CSMD3: variants seen among roughly 807,000 people sequenced by gnomAD.
CSMD3 encodes CUB and Sushi multiple domains 3.
Under a neutral mutation model 435.2 loss-of-function variants are expected in CSMD3, and 177 were observed. The ratio of observed to expected loss-of-function variants is 0.41; its 90% CI spans 0.36 to 0.46. CSMD3 has a LOEUF of 0.46. CSMD3 is among the 20% of genes least tolerant of loss of function. The probability of loss-of-function intolerance (pLI) is 0.34; values close to 1 mark genes in which losing one functional copy is unlikely to be tolerated. For missense variants in CSMD3, 4,265 were observed against 4,504.6 expected (o/e 0.95, Z 1.52); for synonymous variants, 1,656 against 1,520.5 (o/e 1.09, Z -2.07).
At chr8:113,376,577 T>C (rs941778692) in intron 1 of CSMD3, 1 of 709,956 alleles carries the variant, frequency 1.4e-6, no homozygotes. Flanking sequence ...AACTAATATA[T>C]AAAAAAATTG....
intron 32 of CSMD3, among the ~76,000 whole-genome samples, chr8:112,423,479 C>T (rs1352048399): frequency 1.3e-5 from 2 of 152,110 alleles, no homozygotes; most frequent in South Asian, 2.1e-4. Flanking sequence ...ATATCATAAA[C>T]ATTGATATAT....
At chr8:112,916,515 C>G (rs1424122814) in intron 10 of CSMD3, among the ~76,000 whole-genome samples, 2 of 151,762 alleles carry the variant, frequency 1.3e-5, no homozygotes, top group African/African-American at 4.8e-5. Flanking sequence ...ATATCTACAC[C>G]ATCTGCCTAT....
At chr8:112,469,379 T>C (rs1457057408) in intron 32 of CSMD3, among the ~76,000 whole-genome samples, 1 of 152,186 alleles carries the variant, frequency 6.6e-6, no homozygotes, top group Non-Finnish European at 1.5e-5. Flanking sequence ...GTTGGTTATA[T>C]GTGATTTTCT....
intron 22 of CSMD3, among the ~76,000 whole-genome samples, chr8:112,622,670 C>A (rs751098512): frequency 3.9e-5 from 6 of 152,070 alleles, no homozygotes; most frequent in Non-Finnish European, 7.4e-5. Flanking sequence ...GACTCTATAA[C>A]GATGTAAAAG....
chr8:112,830,267 A>C (rs1453957204), intron 11 of CSMD3, among the ~76,000 whole-genome samples: 1 of 152,196 alleles, frequency 6.6e-6, no homozygotes. Flanking sequence ...GTTAGAGCTA[A>C]ACTTGAATCT....
At chr8:112,296,029 A>T (rs2130717333) in intron 53 of CSMD3, 23 bp from the exon 54 acceptor site, 1 of 1,565,972 alleles carries the variant, frequency 6.4e-7, no homozygotes. Flanking sequence ...ATAAAGTAAT[A>T]TTTTTAATAC....
At chr8:113,111,177 C>T (rs1487538561) in intron 4 of CSMD3, among the ~76,000 whole-genome samples, 3 of 151,960 alleles carry the variant, frequency 2.0e-5, no homozygotes, top group African/African-American at 7.3e-5. Context: ...TTTGTCATTC[C>T]CAGGTCAGAA....
intron 5 of CSMD3, among the ~76,000 whole-genome samples, chr8:113,088,896 C>G (rs114578263): frequency 1.3e-5 from 2 of 152,026 alleles, no homozygotes; most frequent in Admixed American, 6.6e-5. Flanking sequence ...TGTATACAAA[C>G]AATTCCTCCA....
At chr8:112,823,601 G>T (rs1358579631) in intron 12 of CSMD3, among the ~76,000 whole-genome samples, 2 of 152,106 alleles carry the variant, frequency 1.3e-5, no homozygotes, top group Non-Finnish European at 2.9e-5. Context: ...TCAGGAGCAG[G>T]TTGTTCAGTT....
intron 30 of CSMD3, among the ~76,000 whole-genome samples, chr8:112,503,155 C>T (rs1168796912): frequency 6.6e-6 from 1 of 152,206 alleles, no homozygotes; most frequent in Admixed American, 6.5e-5. Context: ...GATCATATCT[C>T]ACTGCAGCCT....
At chr8:112,277,326 G>A (rs1252306472) in intron 59 of CSMD3, among the ~76,000 whole-genome samples, 1 of 152,112 alleles carries the variant, frequency 6.6e-6, no homozygotes, top group Non-Finnish European at 1.5e-5. Context: ...TCTAGGGCAA[G>A]GGCAAAATGC....
At chr8:112,851,261 C>A (rs1241812924) in intron 11 of CSMD3, among the ~76,000 whole-genome samples, 1 of 152,000 alleles carries the variant, frequency 6.6e-6, no homozygotes, top group Non-Finnish European at 1.5e-5. Flanking sequence ...CCAGGACCAC[C>A]CGGAATGGCA....
chr8:113,232,270 C>A (rs1217045007), intron 3 of CSMD3, among the ~76,000 whole-genome samples: 1 of 151,554 alleles, frequency 6.6e-6, no homozygotes, highest in African/African-American at 2.4e-5. Flanking sequence ...CACATTTTCA[C>A]AACAGATTTA....
chr8:112,561,172 C>T (rs1175662787), intron 24 of CSMD3, among the ~76,000 whole-genome samples: 1 of 151,584 alleles, frequency 6.6e-6, no homozygotes, highest in Non-Finnish European at 1.5e-5. Context: ...AATGTCTTAT[C>T]TTTATGGAAA....
intron 13 of CSMD3, among the ~76,000 whole-genome samples, chr8:112,749,328 C>T (rs558441794): frequency 5.9e-4 from 90 of 152,190 alleles, no homozygotes; most frequent in African/African-American, 2.0e-3. Flanking sequence ...TTGTTGTGCG[C>T]AGGCTCTTAA....
At chr8:112,716,439 GA>G (rs1297075562) in intron 13 of CSMD3, among the ~76,000 whole-genome samples, 3 of 152,066 alleles carry the variant, frequency 2.0e-5, no homozygotes, top group African/African-American at 7.2e-5. Flanking sequence ...CAAACAAATG[GA>G]AAAACATTCC....
Position 113,359,805 on chromosome 8 carries a change from G to A in CSMD3, c.179-45012C>T, listed in dbSNP as rs937962582. Among the ~76,000 whole-genome samples, 8 of 152,318 alleles carry A rather than the reference G, an allele frequency of 5.3e-5. No homozygotes were observed. In the East Asian group the frequency reaches 1.5e-3, roughly 29 times the overall value. On this transcript the variant is annotated intron_variant, in intron 1 of 70. Coordinates refer to ENST00000297405, the MANE Select transcript of CSMD3 (RefSeq NM_198123.2). ...TATACCAGACTGAGGCTTGCTAGATGTAATCTGAATTAAAGAAAACAGTGG... is the reference window on the plus strand; with the variant it reads ...TATACCAGACTGAGGCTTGCTAGATATAATCTGAATTAAAGAAAACAGTGG...
intron 63 of CSMD3, among the ~76,000 whole-genome samples, chr8:112,252,167 GC>G (rs1325587418): frequency 6.6e-6 from 1 of 151,784 alleles, no homozygotes. Flanking sequence ...CTTCCTAACA[GC>G]TGTGATTTTG....
chr8:112,240,078 T>C (rs1385648381), intron 66 of CSMD3, among the ~76,000 whole-genome samples: 1 of 152,092 alleles, frequency 6.6e-6, no homozygotes, highest in African/African-American at 2.4e-5. Flanking sequence ...TACATTCTAA[T>C]ATATTTCTGT....
Sources: gnomAD v4.1 joint callset for allele counts (sites outside exome capture counted in the v4.1 genomes callset) on GRCh38, gnomAD v4.1.1 for gene constraint, MANE v1.5 for transcripts, NCBI Gene and HGNC (gene_info 2026-07-23, HGNC 2026-07-21) for gene names.